Variants in FREM1 observed in about 807,000 individuals in gnomAD.
FREM1 encodes FRAS1-related extracellular matrix protein 1.
A neutral mutation model predicts 210.1 loss-of-function variants in FREM1; 220 were observed. The observed-to-expected ratio is 1.05, with a 90% CI of 0.94 to 1.17. The LOEUF (loss-of-function observed/expected upper bound fraction) is 1.17, where lower values mean the gene tolerates loss of function less well. Ranked by LOEUF, FREM1 falls within the 50% of genes most tolerant of loss-of-function variation. The pLI is 0.00. For synonymous variants in FREM1, 1,189 were observed against 980.2 expected (o/e 1.21, Z -3.98); for missense variants, 3,454 against 2,675.5 (o/e 1.29, Z -6.42).
At chr9:14,784,996 A>G (rs1396344776) in intron 23 of FREM1, among the ~76,000 whole-genome samples, 1 of 152,216 alleles carries the variant, frequency 6.6e-6, no homozygotes, top group Non-Finnish European at 1.5e-5. Context: ...ACAATTTTGG[A>G]AAGAGTGTAA....
chr9:14,858,183 C>T (rs1026613193), intron 4 of FREM1, among the ~76,000 whole-genome samples: 3 of 152,152 alleles, frequency 2.0e-5, no homozygotes, highest in South Asian at 4.1e-4. Flanking sequence ...CACTCAAATC[C>T]TGCGTATCCT....
At position 14,740,204 on chromosome 9, in the gene FREM1, G is replaced by T. The variant is rs368943026; in HGVS notation, c.6285C>A (p.Ser2095=). 73 of 1,612,938 alleles carry T rather than the reference G, an allele frequency of 4.5e-5. No individual in the cohort carries two copies. The highest frequency in any genetic ancestry group is 1.2e-4 in the South Asian group (11 of 90,944). The change falls in exon 36 of 37, where the codon TCC becomes TCA. Residue 2095 remains serine (S), a synonymous_variant. Coordinates refer to ENST00000380880, the MANE Select transcript of FREM1 (RefSeq NM_001379081.2). Reference sequence around the variant, plus strand: ...CCCAGAGCCACCGCATGTGCTGCCTGGAGAATACAGTTACAAGGTTGCCCA... The same window carrying T: ...CCCAGAGCCACCGCATGTGCTGCCTTGAGAATACAGTTACAAGGTTGCCCA... The part of the protein sequence containing the change: ...QYLGNLVTVF[S]RQHMRWLWDI...
chr9:14,828,636 G>T (rs975194566), intron 10 of FREM1, among the ~76,000 whole-genome samples: 4 of 117,702 alleles, frequency 3.4e-5, no homozygotes, highest in Non-Finnish European at 7.7e-5. Flanking sequence ...CATAAATTGT[G>T]GCGGGGCGGG....
chr9:14,810,351 C>A (rs1309281609), intron 16 of FREM1, among the ~76,000 whole-genome samples: 1 of 152,072 alleles, frequency 6.6e-6, no homozygotes, highest in Admixed American at 6.6e-5. Flanking sequence ...AATATTAAGC[C>A]ACTAAAAAGC....
rs759875531 is a variant in FREM1 at position 14,784,562 on chromosome 9, A to T, written c.4250T>A (p.Leu1417His). The change falls in exon 24 of 37, where the codon CTC (leucine) becomes CAC (histidine). Residue 1417 changes from leucine to histidine, a missense_variant. Coordinates refer to ENST00000380880, the MANE Select transcript of FREM1 (RefSeq NM_001379081.2). ...GDRGFLTTTT[L>H]LAVDGTDKPE... is the part of the protein sequence containing the mutation. ...CTTGTCTGTTCCGTCCACAGCCAGG[A>T]GCGTGGTGGTTGTTAAGAAACCTCT... 1.2e-6 allele frequency: 2 copies of T among 1,612,850 alleles called. No individual in the cohort carries two copies. Among genetic ancestry groups the T allele is most frequent in the South Asian group, 1.1e-5 (1 of 90,846 alleles).
chr9:14,757,685 A>G (rs13302847), intron 28 of FREM1, among the ~76,000 whole-genome samples: 25,570 of 152,248 alleles, frequency 0.17, 2,694 homozygotes, highest in Middle Eastern at 0.3. Context: ...GGGATAATAT[A>G]TTTCTGTACC....
At chr9:14,801,143 G>C (rs542352555) in intron 20 of FREM1, among the ~76,000 whole-genome samples, 158 of 152,076 alleles carry the variant, frequency 1.0e-3, no homozygotes, top group Non-Finnish European at 1.8e-3. Context: ...GATTACAGAA[G>C]TGCACCATCA....
intron 13 of FREM1, among the ~76,000 whole-genome samples, chr9:14,820,983 A>AT (rs1369435589): frequency 6.6e-6 from 1 of 152,140 alleles, no homozygotes; most frequent in Non-Finnish European, 1.5e-5. Flanking sequence ...ACATTAGGTG[A>AT]TTTTTTAAAT....
chr9:14,861,282 T>TAC (rs1242520152), intron 3 of FREM1, among the ~76,000 whole-genome samples: 2 of 84,592 alleles, frequency 2.4e-5, no homozygotes, highest in African/African-American at 1.5e-4. Context: ...TATATACATA[T>TAC]ATACATATAT....
At chr9:14,843,816 G>C (rs1044887066) in intron 8 of FREM1, among the ~76,000 whole-genome samples, 1 of 150,224 alleles carries the variant, frequency 6.7e-6, no homozygotes, top group Non-Finnish European at 1.5e-5. Context: ...TCAGGGGTGG[G>C]TGGGAGGGAG....
rs750879818 is a variant in FREM1, at chr9:14,737,228, T to C, written c.*168A>G. 6.5e-4 allele frequency: 346 copies of C among 531,010 alleles called. No individual in the cohort carries two copies. The highest frequency in any genetic ancestry group is 4.5e-4 in the Non-Finnish European group (136 of 302,616). 32.9% of individuals were successfully genotyped at this position (531,010 alleles called of 1,614,324 possible). On this transcript the variant is annotated 3_prime_UTR_variant, in exon 37 of 37. Coordinates refer to ENST00000380880, the MANE Select transcript of FREM1 (RefSeq NM_001379081.2). Reference sequence around the variant, plus strand: ...TATCTTATCTTGTAAAAAATATTTATTTATCAATCTTTCTGGCACTATTAA... The same window carrying C: ...TATCTTATCTTGTAAAAAATATTTACTTATCAATCTTTCTGGCACTATTAA...
At chr9:14,791,672 T>C (rs1298146281) in intron 22 of FREM1, among the ~76,000 whole-genome samples, 1 of 152,170 alleles carries the variant, frequency 6.6e-6, no homozygotes, top group African/African-American at 2.4e-5. Flanking sequence ...CAATTTGGCA[T>C]ATTGTTTGTG....
chr9:14,860,590 T>TATATACACATATATATATACAC (rs1354715008), intron 3 of FREM1, among the ~76,000 whole-genome samples: 1 of 112,806 alleles, frequency 8.9e-6, no homozygotes, highest in Non-Finnish European at 1.9e-5. Flanking sequence ...TACACATATA[T>TATATACACATATATATATACAC]ATACATATAT....
chr9:14,828,897 T>C (rs535886561), intron 10 of FREM1, among the ~76,000 whole-genome samples: 3 of 152,264 alleles, frequency 2.0e-5, no homozygotes, highest in East Asian at 3.9e-4. Flanking sequence ...GACGGTACAG[T>C]TATAGTCCTG....
chr9:14,908,156 G>A (rs1342649574), intron 1 of FREM1, among the ~76,000 whole-genome samples: 2 of 152,190 alleles, frequency 1.3e-5, no homozygotes, highest in African/African-American at 2.4e-5. Flanking sequence ...CAAGGATGGG[G>A]ATGGAAGCTG....
chr9:14,863,710 T>G lies in FREM1; in HGVS notation c.329+99A>C, dbSNP rs952485585. 5 of 682,870 alleles carry G rather than the reference T, an allele frequency of 7.3e-6. No individual in the cohort carries two copies. In the East Asian group the frequency reaches 8.1e-5, roughly 11 times the overall value. The allele number at this position is 682,870 out of a possible 1,614,324, so 42.3% of individuals were successfully genotyped here. ...GATTACTTTCTTGTCTGGAATCTAT[T>G]AACTCCCCTCATGACAATACATATC... On this transcript the variant is annotated intron_variant, in intron 3 of 36. Coordinates refer to ENST00000380880, the MANE Select transcript of FREM1 (RefSeq NM_001379081.2).
chr9:14,753,650 G>A (rs563935048), intron 29 of FREM1, among the ~76,000 whole-genome samples: 18 of 152,222 alleles, frequency 1.2e-4, no homozygotes, highest in African/African-American at 2.6e-4. Context: ...GGAAGCTGCC[G>A]TTTTAAAAGA....
intron 2 of FREM1, among the ~76,000 whole-genome samples, chr9:14,868,372 G>GA (rs33952542): frequency 0.55 from 83,740 of 151,940 alleles, 26,019 homozygotes; most frequent in African/African-American, 0.85. Flanking sequence ...TTATCTTCAG[G>GA]AAAGAGGAGA....
intron 31 of FREM1, 45 bp downstream of exon 31, chr9:14,748,356 A>T: frequency 9.5e-7 from 1 of 1,053,330 alleles, no homozygotes; most frequent in Non-Finnish European, 1.4e-6. Flanking sequence ...TGATCCTTTT[A>T]ATATGTATTT....
Sources: gnomAD v4.1 joint callset for allele counts (sites outside exome capture counted in the v4.1 genomes callset) on GRCh38, gnomAD v4.1.1 for gene constraint, MANE v1.5 for transcripts, NCBI Gene and HGNC (gene_info 2026-07-23, HGNC 2026-07-21) for gene names.